Variants in DCAF4 observed in about 807,000 individuals in gnomAD.
The protein encoded by DCAF4 is DDB1 and CUL4 associated factor 4.
Under a neutral mutation model 60.9 loss-of-function variants are expected in DCAF4, and 37 were observed. The ratio of observed to expected loss-of-function variants is 0.61; its 90% CI spans 0.47 to 0.80. The LOEUF is 0.80. Among genes scored for constraint, DCAF4 ranks in the 30% least tolerant of loss-of-function variants. DCAF4 has a pLI of 0.00. For synonymous variants in DCAF4, 243 were observed against 254.8 expected (o/e 0.95, Z 0.44); for missense variants, 577 against 650.0 (o/e 0.89, Z 1.22).
At chr14:72,928,166 C>T (rs1599556313) in intron 1 of DCAF4, among the ~76,000 whole-genome samples, 2 of 140,578 alleles carry the variant, frequency 1.4e-5, no homozygotes, top group African/African-American at 5.5e-5. Flanking sequence ...TTACAGCCCG[C>T]TAGTCTACAG....
At chr14:72,940,451 T>A in intron 4 of DCAF4, 74 bp downstream of exon 4, 1 of 1,486,738 alleles carries the variant, frequency 6.7e-7, no homozygotes. Flanking sequence ...TTGAAAAGGG[T>A]GCCAATTAGA....
intron 5 of DCAF4, chr14:72,942,164 A>G (rs1890124774): frequency 4.0e-6 from 1 of 252,388 alleles, no homozygotes. Flanking sequence ...TTCCCTTCTA[A>G]TGAGTTGTCA....
At chr14:72,932,189 C>G (rs1417237483) in intron 1 of DCAF4, among the ~76,000 whole-genome samples, 1 of 152,140 alleles carries the variant, frequency 6.6e-6, no homozygotes, top group African/African-American at 2.4e-5. Context: ...AGGTTTCACT[C>G]TATGTTGGCC....
In DCAF4 at chr14:72,939,874, T is replaced by G. The variant is rs61746594; in HGVS notation, c.165T>G (p.Ser55=). 4,628 of 1,611,112 alleles carry G rather than the reference T, an allele frequency of 2.9e-3. 98 individuals carry two copies. In the African/African-American group the frequency reaches 0.046, roughly 16 times the overall value. The change falls in exon 3 of 14, where the codon TCT becomes TCG. Residue 55 remains serine (S), a synonymous_variant. Coordinates refer to ENST00000358377, the MANE Select transcript of DCAF4 (RefSeq NM_015604.4). Reference sequence around the variant, plus strand: ...ATGACGAGTCTCCGTCAACCTCGTCTGGCACAGCTGGGACCTCCTCTGTGC... The same window carrying G: ...ATGACGAGTCTCCGTCAACCTCGTCGGGCACAGCTGGGACCTCCTCTGTGC... ...HGDDESPSTS[S]GTAGTSSVPE... is the part of the protein sequence containing the mutation.
intron 1 of DCAF4, chr14:72,929,924 G>GAGCCATGGAGAGCAGC: frequency 2.6e-6 from 3 of 1,153,094 alleles, no homozygotes; most frequent in African/African-American, 1.5e-5. Flanking sequence ...AGGTAGCGCA[G>GAGCCATGGAGAGCAGC]AGCCATGGCT....
chr14:72,935,640 T>TA, intron 1 of DCAF4, among the ~76,000 whole-genome samples: 1 of 152,348 alleles, frequency 6.6e-6, no homozygotes, highest in East Asian at 1.9e-4. Flanking sequence ...CTGTATGAGT[T>TA]AGGGGTGAAC....
intron 5 of DCAF4, chr14:72,942,743 C>G (rs537518445): frequency 2.1e-6 from 1 of 483,070 alleles, no homozygotes; most frequent in Non-Finnish European, 3.8e-6. Context: ...AGACACAACT[C>G]CCTCTAACTC....
intron 1 of DCAF4, among the ~76,000 whole-genome samples, chr14:72,928,673 T>C (rs960925157): frequency 6.6e-6 from 1 of 151,952 alleles, no homozygotes; most frequent in Non-Finnish European, 1.5e-5. Flanking sequence ...TGGGTTTTTT[T>C]ATTATTATAT....
At position 72,939,865 on chromosome 14, in the gene DCAF4, A is replaced by C; in HGVS notation, c.156A>C (p.Ser52=). The change falls in exon 3 of 14, where the codon TCA becomes TCC. Residue 52 remains serine (S), a synonymous_variant. Transcript: ENST00000358377. The part of the protein sequence containing the change: ...DSGHGDDESP[S]TSSGTAGTSS... ...GCCACGGTGATGACGAGTCTCCGTC[A>C]ACCTCGTCTGGCACAGCTGGGACCT... 1 of 1,612,292 alleles carries C rather than the reference A, an allele frequency of 6.2e-7. No individual in the cohort carries two copies. Among genetic ancestry groups the C allele is most frequent in the African/African-American group, 1.3e-5 (1 of 75,016 alleles).
At chr14:72,942,702 T>C in intron 5 of DCAF4, 1 of 328,992 alleles carries the variant, frequency 3.0e-6, no homozygotes, top group Non-Finnish European at 5.6e-6. Context: ...ACTTTCGTCA[T>C]CTCAGGGGAA....
intron 13 of DCAF4, among the ~76,000 whole-genome samples, chr14:72,958,345 C>T (rs7143683): frequency 0.22 from 33,764 of 152,160 alleles, 4,374 homozygotes; most frequent in East Asian, 0.48. Context: ...CGTTCCGTGA[C>T]ATCAAGAGCA....
chr14:72,932,849 G>A (rs1453248758), intron 1 of DCAF4, among the ~76,000 whole-genome samples: 1 of 152,068 alleles, frequency 6.6e-6, no homozygotes, highest in Non-Finnish European at 1.5e-5. Flanking sequence ...AACTGCAAGT[G>A]TGAGCCATCA....
Position 72,959,405 on chromosome 14 carries a change from G to C in DCAF4, c.*600G>C. The C allele has an allele frequency of 1.0e-6, 1 of 985,436 alleles. No individual in the cohort carries two copies. Among genetic ancestry groups the C allele is most frequent in the Non-Finnish European group, 1.2e-6 (1 of 829,944 alleles). The allele number at this position is 985,436 out of a possible 1,614,324, so 61.0% of individuals were successfully genotyped here. A position where few individuals can be genotyped will look rare whatever the true frequency, so the allele number is the denominator to read the frequency against. On this transcript the variant is annotated 3_prime_UTR_variant, in exon 14 of 14. Coordinates refer to ENST00000358377, the MANE Select transcript of DCAF4 (RefSeq NM_015604.4). ...ATCCAAAGGCGTTGGAAGGAAAGAT[G>C]GATCTTCTTACATGCTAGAAGTTTT...
chr14:72,937,850 G>C, intron 1 of DCAF4, 121 bp from the exon 2 acceptor site: 1 of 1,384,058 alleles, frequency 7.2e-7, no homozygotes, highest in South Asian at 1.7e-5. Context: ...CAAATCTGAT[G>C]ATAACCCAGG....
intron 1 of DCAF4, among the ~76,000 whole-genome samples, chr14:72,936,115 A>G (rs1889230494): frequency 1.3e-5 from 2 of 152,154 alleles, no homozygotes; most frequent in Non-Finnish European, 2.9e-5. Flanking sequence ...AACACTGGCC[A>G]CACGTGCTTC....
chr14:72,940,429 G>C (rs750237205), intron 4 of DCAF4, 52 bp downstream of exon 4: 2 of 1,551,104 alleles, frequency 1.3e-6, no homozygotes, highest in Admixed American at 2.2e-5. Flanking sequence ...GCCAGCACCT[G>C]TCCATCCACT....
intron 1 of DCAF4, among the ~76,000 whole-genome samples, chr14:72,931,967 T>C (rs1888629669): frequency 6.6e-6 from 1 of 150,922 alleles, no homozygotes; most frequent in Admixed American, 6.7e-5. Context: ...TCATAACCCA[T>C]ACTGACCTAT....
Position 72,954,275 on chromosome 14 carries a change from C to T in DCAF4, c.907+13C>T, listed in dbSNP as rs201045510. 2 of 1,614,070 alleles carry T rather than the reference C, an allele frequency of 1.2e-6. No homozygotes were observed. Among genetic ancestry groups the T allele is most frequent in the Non-Finnish European group, 1.7e-6 (2 of 1,179,948 alleles). On this transcript the variant is annotated intron_variant, in intron 10 of 13. Coordinates refer to ENST00000358377, the MANE Select transcript of DCAF4 (RefSeq NM_015604.4). ...TGCTTCAGTACAGGTGAGCCTGGCT[C>T]CCCAGGTGCCCAGAGAAGAGGCCTT...
chr14:72,929,774 C>T (rs1888279777), intron 1 of DCAF4: 5 of 1,058,430 alleles, frequency 4.7e-6, no homozygotes, highest in African/African-American at 1.6e-5. Flanking sequence ...GCAGCTCGTA[C>T]GAAGCGAAGC....
Sources: allele counts gnomAD v4.1 joint callset (sites outside exome capture counted in the v4.1 genomes callset), GRCh38; gene constraint gnomAD v4.1.1; transcripts MANE v1.5; gene names NCBI Gene and HGNC (gene_info 2026-07-23, HGNC 2026-07-21).